Variants in DKK3 observed in about 807,000 individuals in gnomAD.
The protein encoded by DKK3 is dickkopf Wnt signaling pathway inhibitor 3, also known as dickkopf-related protein 3.
DKK3 carries 22 observed loss-of-function variants against 33.2 expected under a neutral mutation model. The ratio of observed to expected loss-of-function variants is 0.66; its 90% CI spans 0.47 to 0.95. DKK3 has a LOEUF of 0.95. Ranked by LOEUF, DKK3 falls within the 40% of genes least tolerant of loss-of-function variation. The pLI is 0.00. For synonymous variants in DKK3, 194 were observed against 188.8 expected, an observed-to-expected ratio of 1.03 and a Z score of -0.23; for missense variants, 398 against 458.4, an observed-to-expected ratio of 0.87 and a Z score of 1.20.
chr11:11,966,126 C>A (rs1458252804), intron 5 of DKK3, among the ~76,000 whole-genome samples, 161 bp from the exon 6 acceptor site: 1 of 152,210 alleles, frequency 6.6e-6, no homozygotes, highest in Non-Finnish European at 1.5e-5. Flanking sequence ...AGAATAGCAG[C>A]CTGGGCTCAG....
intron 3 of DKK3, among the ~76,000 whole-genome samples, chr11:11,989,260 A>C (rs1848137484): frequency 6.6e-6 from 1 of 152,246 alleles, no homozygotes; most frequent in Non-Finnish European, 1.5e-5. Flanking sequence ...ATATTTGCAT[A>C]CCTGTGTTCA....
intron 1 of DKK3, among the ~76,000 whole-genome samples, chr11:12,002,966 C>T (rs1052014656): frequency 2.6e-5 from 4 of 152,174 alleles, no homozygotes; most frequent in Admixed American, 6.5e-5. Context: ...GAAAGTCAGG[C>T]TATGGAGGTA....
chr11:12,009,300 G>C (rs1848610262), upstream of DKK3: 4 of 983,250 alleles, frequency 4.1e-6, no homozygotes, highest in Non-Finnish European at 4.8e-6. Context: ...GCGCGGCGGG[G>C]TGCGGCAGCG....
intron 2 of DKK3, 99 bp from the exon 3 acceptor site, chr11:11,998,878 G>A (rs1269298095): frequency 2.1e-5 from 25 of 1,168,770 alleles, no homozygotes; most frequent in Non-Finnish European, 3.2e-5. Context: ...TGAAGCAGGA[G>A]CATCCAGTAT....
At chr11:11,964,777 C>T (rs1847545805) in intron 6 of DKK3, 91 bp from the exon 7 acceptor site, 1 of 1,535,566 alleles carries the variant, frequency 6.5e-7, no homozygotes, top group African/African-American at 1.4e-5. Flanking sequence ...GGCTCCCAGC[C>T]TCACCTTCAT....
Position 12,002,677 on chromosome 11 carries a change from A to T in DKK3, c.214-240T>A, listed in dbSNP as rs559001151. 2.6e-5 allele frequency among the ~76,000 whole-genome samples: 4 copies of T among 152,300 alleles called. No individual in the cohort carries two copies. The East Asian group carries it at 5.8e-4, about 22-fold the overall frequency. Reference sequence around the variant, plus strand: ...GTGTTAATGTCCTCATATTACAAATAGGGAAACTGAGGCTCAGGAAGACTA... The same window carrying T: ...GTGTTAATGTCCTCATATTACAAATTGGGAAACTGAGGCTCAGGAAGACTA... On this transcript the variant is annotated intron_variant, in intron 1 of 6. Transcript: ENST00000683431.
At chr11:11,992,845 C>T (rs1848214359) in intron 3 of DKK3, among the ~76,000 whole-genome samples, 1 of 152,158 alleles carries the variant, frequency 6.6e-6, no homozygotes, top group African/African-American at 2.4e-5. Context: ...ATTACCCAGG[C>T]TTGTGTACTC....
intron 3 of DKK3, among the ~76,000 whole-genome samples, chr11:11,991,185 T>C (rs879514365): frequency 1.2e-4 from 19 of 152,352 alleles, no homozygotes; most frequent in South Asian, 8.3e-4. Flanking sequence ...AAACCTGCCC[T>C]CTGCCAAGGA....
chr11:11,982,064 T>C (rs939829230), intron 3 of DKK3, among the ~76,000 whole-genome samples: 14 of 152,188 alleles, frequency 9.2e-5, no homozygotes, highest in African/African-American at 3.1e-4. Context: ...CCCCCGGTGA[T>C]GCTGGAAGTC....
At chr11:11,984,717 T>C (rs1040256302) in intron 3 of DKK3, among the ~76,000 whole-genome samples, 1 of 150,876 alleles carries the variant, frequency 6.6e-6, no homozygotes, top group Non-Finnish European at 1.5e-5. Flanking sequence ...AGAAACCAGT[T>C]TGTTTTCCCC....
At chr11:11,992,333 A>G (rs1848204350) in intron 3 of DKK3, among the ~76,000 whole-genome samples, 1 of 152,246 alleles carries the variant, frequency 6.6e-6, no homozygotes, top group African/African-American at 2.4e-5. Context: ...AAAGGCACAC[A>G]GCTAATAAGC....
Position 11,964,250 on chromosome 11 carries a change from C to T in DKK3, c.*214G>A. On this transcript the variant is annotated 3_prime_UTR_variant, in exon 7 of 7. Transcript: ENST00000683431. ...TGGCAAACTGCTCCTGCAGTTTAAC[C>T]CTGCCTGACTCTCCCAAGCACCAGA... 4.7e-6 allele frequency: 3 copies of T among 632,530 alleles called. No individual in the cohort carries two copies. The highest frequency in any genetic ancestry group is 8.1e-6 in the Non-Finnish European group (3 of 370,908). 39.2% of individuals were successfully genotyped at this position (632,530 alleles called of 1,614,324 possible). A position where few individuals can be genotyped will look rare whatever the true frequency, so the allele number is the denominator to read the frequency against.
chr11:11,983,369 T>G (rs1366240832), intron 3 of DKK3, among the ~76,000 whole-genome samples: 2 of 152,202 alleles, frequency 1.3e-5, no homozygotes, highest in African/African-American at 4.8e-5. Flanking sequence ...TTGAGAGAAC[T>G]GGGAGGTGAC....
In DKK3 at chr11:11,983,099, C is replaced by G. The variant is rs554788167; in HGVS notation, c.436-14612G>C. Among the ~76,000 whole-genome samples, 8 of 152,336 alleles carry G rather than the reference C, an allele frequency of 5.3e-5. No individual in the cohort carries two copies. The East Asian group carries it at 1.2e-3, about 22-fold the overall frequency. On this transcript the variant is annotated intron_variant, in intron 3 of 6. Coordinates refer to ENST00000683431, the MANE Select transcript of DKK3 (RefSeq NM_001018057.2). The stretch of plus-strand genomic sequence containing the variant: ...TGCCCAGCCTCATTTTGATCACATT[C>G]AGGACACTACCCCGTCCTTGGGGAT...
chr11:11,975,234 C>T (rs551498450), intron 3 of DKK3, among the ~76,000 whole-genome samples: 3 of 152,346 alleles, frequency 2.0e-5, no homozygotes, highest in East Asian at 1.9e-4. Flanking sequence ...GGATCTTCCA[C>T]GCACAGTCAG....
chr11:11,990,431 A>G (rs1848163368), intron 3 of DKK3, among the ~76,000 whole-genome samples: 1 of 152,228 alleles, frequency 6.6e-6, no homozygotes, highest in Non-Finnish European at 1.5e-5. Context: ...TTGCAGCCCA[A>G]AGGGGCTCAA....
chr11:11,964,725 G>C (rs767584922), intron 6 of DKK3, 39 bp from the exon 7 acceptor site: 1 of 1,592,152 alleles, frequency 6.3e-7, no homozygotes, highest in South Asian at 1.1e-5. Context: ...CTAAACGTGG[G>C]AGCCTGCCCA....
intron 1 of DKK3, among the ~76,000 whole-genome samples, chr11:12,004,808 A>T (rs1848503660): frequency 6.6e-6 from 1 of 152,264 alleles, no homozygotes; most frequent in South Asian, 2.1e-4. Context: ...TTGCCCTTTA[A>T]GAAGGCAGTT....
intron 1 of DKK3, 50 bp from the exon 2 acceptor site, chr11:12,002,487 A>G: frequency 6.3e-7 from 1 of 1,580,398 alleles, no homozygotes; most frequent in Non-Finnish European, 8.6e-7. Flanking sequence ...CTTGTTACAA[A>G]TGGGAGTCTA....
Sources: gnomAD v4.1 joint callset for allele counts (sites outside exome capture counted in the v4.1 genomes callset) on GRCh38, gnomAD v4.1.1 for gene constraint, MANE v1.5 for transcripts, NCBI Gene and HGNC (gene_info 2026-07-23, HGNC 2026-07-21) for gene names.